Variants in RAP1GDS1 observed in about 807,000 individuals in gnomAD.
RAP1GDS1 encodes RAP1, GTP-GDP dissociation stimulator 1.
Under a neutral mutation model 71.1 loss-of-function variants are expected in RAP1GDS1, and 35 were observed. That is an observed-to-expected ratio of 0.49 (90% CI 0.38 to 0.65). The LOEUF is 0.65. Among genes scored for constraint, RAP1GDS1 ranks in the 30% least tolerant of loss-of-function variants. RAP1GDS1 has a pLI of 0.00. For synonymous variants in RAP1GDS1, 229 were observed against 243.1 expected, an observed-to-expected ratio of 0.94 and a Z score of 0.54; for missense variants, 663 against 706.1, an observed-to-expected ratio of 0.94 and a Z score of 0.69.
intron 1 of RAP1GDS1, among the ~76,000 whole-genome samples, chr4:98,276,084 A>G (rs1418977031): frequency 6.6e-6 from 1 of 152,076 alleles, no homozygotes; most frequent in Non-Finnish European, 1.5e-5. Flanking sequence ...GTTCAAGATC[A>G]AGGTGCTGGC....
At chr4:98,272,203 CT>C (rs746775650) in intron 1 of RAP1GDS1, among the ~76,000 whole-genome samples, 87 of 152,300 alleles carry the variant, frequency 5.7e-4, no homozygotes, top group South Asian at 4.1e-3. Flanking sequence ...GTTTCAGACT[CT>C]GCATTTTAAA....
rs561846747 is a variant in RAP1GDS1, at chr4:98,397,466, C to T, written c.637+5386C>T. ...TGCGTAACATAGTGAGACCTCCCCC[C>T]GACCCACTCTCTAAAAACAAAAAGC... On this transcript the variant is annotated intron_variant, in intron 6 of 14. Coordinates refer to ENST00000408927, the MANE Select transcript of RAP1GDS1 (RefSeq NM_001100427.2). 1.6e-4 allele frequency among the ~76,000 whole-genome samples: 24 copies of T among 152,104 alleles called. No individual in the cohort carries two copies. The South Asian group carries it at 2.5e-3, about 16-fold the overall frequency.
At chr4:98,409,115 GA>G (rs1260901137) in intron 7 of RAP1GDS1, among the ~76,000 whole-genome samples, 5 of 151,976 alleles carry the variant, frequency 3.3e-5, no homozygotes, top group African/African-American at 1.2e-4. Context: ...TAATTCAAAA[GA>G]ATCTATAGAT....
chr4:98,341,584 G>GA (rs1735509865), intron 2 of RAP1GDS1, among the ~76,000 whole-genome samples: 1 of 152,182 alleles, frequency 6.6e-6, no homozygotes, highest in Admixed American at 6.5e-5. Flanking sequence ...AGTACCAGCA[G>GA]ATGGTGGGGC....
intron 2 of RAP1GDS1, among the ~76,000 whole-genome samples, chr4:98,326,855 T>C (rs560822828): frequency 5.1e-4 from 78 of 152,296 alleles, no homozygotes; most frequent in African/African-American, 1.9e-3. Flanking sequence ...GAAAAGACTT[T>C]TGTGTTGCTC....
intron 14 of RAP1GDS1, among the ~76,000 whole-genome samples, chr4:98,440,253 T>C (rs1478929569): frequency 6.6e-6 from 1 of 152,234 alleles, no homozygotes; most frequent in Non-Finnish European, 1.5e-5. Flanking sequence ...TTGGGCCATT[T>C]CCACCTTTTG....
chr4:98,365,366 G>T (rs937914394), intron 4 of RAP1GDS1, among the ~76,000 whole-genome samples: 1 of 152,108 alleles, frequency 6.6e-6, no homozygotes, highest in Non-Finnish European at 1.5e-5. Context: ...TGTAATCCCA[G>T]CACTTTGGGA....
chr4:98,398,459 C>T (rs1009083265), intron 6 of RAP1GDS1, among the ~76,000 whole-genome samples: 1 of 152,120 alleles, frequency 6.6e-6, no homozygotes, highest in Non-Finnish European at 1.5e-5. Context: ...GAACATCTTA[C>T]AAGCTTCTAG....
At chr4:98,373,399 C>T (rs536604983) in intron 4 of RAP1GDS1, among the ~76,000 whole-genome samples, 1 of 151,748 alleles carries the variant, frequency 6.6e-6, no homozygotes, top group South Asian at 2.1e-4. Context: ...CTCCCTCTCC[C>T]TCTCTCTCCC....
At chr4:98,267,509 A>T (rs1391898377) in intron 1 of RAP1GDS1, among the ~76,000 whole-genome samples, 1 of 152,092 alleles carries the variant, frequency 6.6e-6, no homozygotes, top group Non-Finnish European at 1.5e-5. Flanking sequence ...GTCCCCCTCT[A>T]GTAGTCCCCA....
intron 4 of RAP1GDS1, among the ~76,000 whole-genome samples, chr4:98,369,443 C>A (rs1460486625): frequency 6.6e-6 from 1 of 152,062 alleles, no homozygotes; most frequent in Non-Finnish European, 1.5e-5. Flanking sequence ...TCACAGTAGC[C>A]TAAAACTAGA....
At chr4:98,348,707 C>T (rs935499151) in intron 3 of RAP1GDS1, among the ~76,000 whole-genome samples, 2 of 152,200 alleles carry the variant, frequency 1.3e-5, no homozygotes, top group Admixed American at 1.3e-4. Context: ...TTGCATTTAT[C>T]TGATGGCCAG....
intron 2 of RAP1GDS1, among the ~76,000 whole-genome samples, chr4:98,312,862 G>A (rs2110323942): frequency 6.6e-6 from 1 of 151,948 alleles, no homozygotes; most frequent in South Asian, 2.1e-4. Flanking sequence ...AAGGTCAGGA[G>A]ATCGAGACCA....
intron 5 of RAP1GDS1, chr4:98,387,339 C>T (rs1029431112): frequency 1.2e-4 from 50 of 407,166 alleles, no homozygotes; most frequent in South Asian, 7.4e-4. Flanking sequence ...TCTCAGCATA[C>T]TTTTCTGGAC....
chr4:98,327,073 ATTC>A (rs1733225425), intron 2 of RAP1GDS1, among the ~76,000 whole-genome samples: 1 of 152,194 alleles, frequency 6.6e-6, no homozygotes, highest in African/African-American at 2.4e-5. Context: ...GAGCTGATAA[ATTC>A]TTCTACTGGA....
chr4:98,306,142 C>T (rs970339362), intron 2 of RAP1GDS1, among the ~76,000 whole-genome samples: 2 of 152,174 alleles, frequency 1.3e-5, no homozygotes, highest in African/African-American at 4.8e-5. Context: ...TTGAAGTTAA[C>T]TGTCTTCTCT....
rs1578225169 is a variant in RAP1GDS1, at chr4:98,261,577, A to T, written c.4+8A>T. The T allele has an allele frequency of 6.2e-7, 1 of 1,600,040 alleles. No individual in the cohort carries two copies. The highest frequency in any genetic ancestry group is 8.5e-7 in the Non-Finnish European group (1 of 1,172,072). ...CCTCGGGGAGCAACATGGGTAAGTC[A>T]TCCTTCCTCCGCCGTCATCGCCTGA... On this transcript the variant is annotated splice_region_variant and intron_variant, in intron 1 of 14. Coordinates refer to ENST00000408927, the MANE Select transcript of RAP1GDS1 (RefSeq NM_001100427.2).
intron 4 of RAP1GDS1, among the ~76,000 whole-genome samples, chr4:98,353,810 T>C (rs978294306): frequency 2.0e-5 from 3 of 152,164 alleles, no homozygotes; most frequent in Non-Finnish European, 4.4e-5. Context: ...TTCTGTTGCT[T>C]TATGTTTATA....
At chr4:98,387,715 G>A (rs1328810372) in intron 5 of RAP1GDS1, among the ~76,000 whole-genome samples, 3 of 152,060 alleles carry the variant, frequency 2.0e-5, no homozygotes, top group Non-Finnish European at 4.4e-5. Context: ...CAGAGTCTTC[G>A]GACATTTATG....
Sources: allele counts gnomAD v4.1 joint callset (sites outside exome capture counted in the v4.1 genomes callset), GRCh38; gene constraint gnomAD v4.1.1; transcripts MANE v1.5; gene names NCBI Gene and HGNC (gene_info 2026-07-23, HGNC 2026-07-21).